OR51I2: variants seen among roughly 807,000 people sequenced by gnomAD.
OR51I2 encodes olfactory receptor family 51 subfamily I member 2.
In OR51I2, 6 loss-of-function variants were observed where a neutral mutation model predicts 9.3. The observed-to-expected ratio is 0.64, with a 90% CI of 0.35 to 1.27. The LOEUF (loss-of-function observed/expected upper bound fraction) is 1.27. Among genes scored for constraint, OR51I2 ranks in the 50% most tolerant of loss-of-function variants. The probability of loss-of-function intolerance (pLI) is 0.03; values close to 1 mark genes in which losing one functional copy is unlikely to be tolerated. For synonymous variants in OR51I2, 179 were observed against 143.1 expected (o/e 1.25, Z -1.79); for missense variants, 489 against 396.4 (o/e 1.23, Z -1.98).
chr11:5,452,370 G>T (rs940774322), intron 1 of OR51I2, among the ~76,000 whole-genome samples: 13 of 151,950 alleles, frequency 8.6e-5, no homozygotes, highest in Non-Finnish European at 1.6e-4. Flanking sequence ...GCCGGGCATG[G>T]TGGCGGGAGC....
intron 1 of OR51I2, among the ~76,000 whole-genome samples, chr11:5,450,262 G>A (rs1489056104): frequency 4.6e-5 from 7 of 151,996 alleles, no homozygotes; most frequent in African/African-American, 9.7e-5. Flanking sequence ...GGTGGCAGGC[G>A]CCTGTAATTC....
chr11:5,455,780 TA>T lies in OR51I2; in HGVS notation c.*1358del, dbSNP rs1255044341. 7 of 152,098 alleles carry T rather than the reference TA, an allele frequency of 4.6e-5. No individual in the cohort carries two copies. The highest frequency in any genetic ancestry group is 3.2e-3 in the Middle Eastern group (1 of 316). 9.4% of individuals were successfully genotyped at this position (152,098 alleles called of 1,614,324 possible). On this transcript the variant is annotated 3_prime_UTR_variant, in exon 2 of 2. Transcript: ENST00000641930. ...GAGAGTCAGAAAGAGGGAGCTATTT[TA>T]AAAATGAGATAATGTAAGTACTTGG...
At position 5,454,303 on chromosome 11, in the gene OR51I2, T is replaced by C. The variant is rs200377378; in HGVS notation, c.815T>C (p.Ile272Thr). 5.6e-6 allele frequency: 9 copies of C among 1,614,086 alleles called. No individual in the cohort carries two copies. Among genetic ancestry groups the C allele is most frequent in the African/African-American group, 2.7e-5 (2 of 74,932 alleles). Residue 272 changes from isoleucine (I) to threonine (T), a missense_variant, in exon 2 of 2, where the codon ATA (isoleucine) becomes ACA (threonine). Ile to Thr is a moderately conservative substitution (Grantham distance 89). Coordinates refer to ENST00000641930, the MANE Select transcript of OR51I2 (RefSeq NM_001004754.3). ...HRFGKHVPCY[I>T]HVLMSNVYLF... ...TTTGGGAAGCATGTCCCATGCTACA[T>C]ACATGTCCTCATGTCAAATGTGTAC...
rs202023944 is a variant in OR51I2 at position 5,454,386 on chromosome 11, C to T, written c.898C>T (p.Arg300Cys). The change falls in exon 2 of 2, where the codon CGC (arginine) becomes TGC (cysteine). Residue 300 changes from arginine to cysteine, a missense_variant. Transcript: ENST00000641930. ...LIYSAKTKEI[R>C]RAIFRMFHHI... ...TTATAGCGCCAAGACAAAGGAAATC[C>T]GCCGAGCCATTTTCCGCATGTTTCA... The T allele has an allele frequency of 2.1e-4, 339 of 1,611,080 alleles. 1 individual carries two copies. In the East Asian group the frequency reaches 5.3e-3, roughly 25 times the overall value.
chr11:5,449,760 A>G (rs4094102), intron 1 of OR51I2, among the ~76,000 whole-genome samples: 24,371 of 152,188 alleles, frequency 0.16, 2,506 homozygotes, highest in Non-Finnish European at 0.22. Context: ...ATCCCATGAC[A>G]AACAGCTGAA....
At position 5,453,692 on chromosome 11, in the gene OR51I2, C is replaced by T; in HGVS notation, c.204C>T (p.Phe68=). ...PMYYFLSMLS[F]SDVAISMATL... is the part of the protein sequence containing the mutation. The stretch of plus-strand genomic sequence containing the variant: ...ACTACTTCCTGTCCATGTTGTCCTT[C>T]AGTGATGTGGCCATATCCATGGCCA... The change falls in exon 2 of 2, where the codon TTC becomes TTT. Residue 68 remains phenylalanine (F), a synonymous_variant. Coordinates refer to ENST00000641930, the MANE Select transcript of OR51I2 (RefSeq NM_001004754.3). 6.2e-7 allele frequency: 1 copy of T among 1,613,720 alleles called. No individual in the cohort carries two copies. The highest frequency in any genetic ancestry group is 8.5e-7 in the Non-Finnish European group (1 of 1,179,772).
rs903982772 is a variant in OR51I2, at chr11:5,454,882, T to C, written c.*455T>C. ...AGATAATATGTGGTCCAGTTGACAT[T>C]CAACACTAATCTCTCTCTAGTGTCA... On this transcript the variant is annotated 3_prime_UTR_variant, in exon 2 of 2. Coordinates refer to ENST00000641930, the MANE Select transcript of OR51I2 (RefSeq NM_001004754.3). 6.5e-6 allele frequency: 1 copy of C among 154,282 alleles called. No individual in the cohort carries two copies. The highest frequency in any genetic ancestry group is 1.9e-4 in the East Asian group (1 of 5,220). 9.6% of individuals were successfully genotyped at this position (154,282 alleles called of 1,614,324 possible). A position where few individuals can be genotyped will look rare whatever the true frequency, so the allele number is the denominator to read the frequency against.
chr11:5,451,598 C>A (rs1396745556), intron 1 of OR51I2, among the ~76,000 whole-genome samples: 1 of 152,140 alleles, frequency 6.6e-6, no homozygotes, highest in Non-Finnish European at 1.5e-5. Context: ...TTATGTATTG[C>A]TGGGGATATT....
At position 5,454,311 on chromosome 11, in the gene OR51I2, C is replaced by T; in HGVS notation, c.823C>T (p.Leu275Phe). The change falls in exon 2 of 2, where the codon CTC becomes TTC. Residue 275 changes from leucine (L) to phenylalanine (F), a missense_variant. Coordinates refer to ENST00000641930, the MANE Select transcript of OR51I2 (RefSeq NM_001004754.3). ...GCATGTCCCATGCTACATACATGTC[C>T]TCATGTCAAATGTGTACCTATTTGT... Reference protein sequence around the residue: ...GKHVPCYIHVLMSNVYLFVPP... With the variant: ...GKHVPCYIHVFMSNVYLFVPP... The T allele has an allele frequency of 6.2e-7, 1 of 1,614,098 alleles. No homozygotes were observed. Among genetic ancestry groups the T allele is most frequent in the Non-Finnish European group, 8.5e-7 (1 of 1,179,962 alleles).
At chr11:5,451,722 A>G (rs1386492714) in intron 1 of OR51I2, among the ~76,000 whole-genome samples, 2 of 152,182 alleles carry the variant, frequency 1.3e-5, no homozygotes, top group African/African-American at 4.8e-5. Flanking sequence ...TCCCATCAGA[A>G]AGAACTCTGA....
chr11:5,453,972 C>T lies in OR51I2; in HGVS notation c.484C>T (p.Leu162Phe), dbSNP rs1441179782. 6.2e-7 allele frequency: 1 copy of T among 1,613,932 alleles called. No individual in the cohort carries two copies. Among genetic ancestry groups the T allele is most frequent in the African/African-American group, 1.3e-5 (1 of 74,900 alleles). The change falls in exon 2 of 2, where the codon CTT becomes TTT. Residue 162 changes from leucine (L) to phenylalanine (F), a missense_variant. Leu to Phe is a conservative substitution (Grantham distance 22, BLOSUM62 0). Coordinates refer to ENST00000641930, the MANE Select transcript of OR51I2 (RefSeq NM_001004754.3). ...CATCACCCTTTTCCCTCTTCCCTTTCTTATTAAGAGGCTGCCTATCTGCAG... is the reference window on the plus strand; with the variant it reads ...CATCACCCTTTTCCCTCTTCCCTTTTTTATTAAGAGGCTGCCTATCTGCAG... ...SFITLFPLPF[L>F]IKRLPICRSN...
rs1225644007 is a variant in OR51I2, at chr11:5,454,024, G to A, written c.536G>A (p.Cys179Tyr). ...TCCAATGTTCTTTCTCACTCCTACT[G>A]CCTGCACCCAGACATGATGAGGCTT... ...CRSNVLSHSY[C>Y]LHPDMMRLAC... Residue 179 changes from cysteine (C) to tyrosine (Y), a missense_variant, in exon 2 of 2, where the codon TGC (cysteine) becomes TAC (tyrosine). Coordinates refer to ENST00000641930, the MANE Select transcript of OR51I2 (RefSeq NM_001004754.3). 18 of 1,613,940 alleles carry A rather than the reference G, an allele frequency of 1.1e-5. No individual in the cohort carries two copies. Among genetic ancestry groups the A allele is most frequent in the Non-Finnish European group, 1.5e-5 (18 of 1,180,026 alleles).
chr11:5,454,426 G>T lies in OR51I2; in HGVS notation c.938G>T (p.Ter313LeuextTer18). The change falls in exon 2 of 2, where the codon TGA becomes TTA. Residue 313 changes from the stop codon to leucine (L), a stop_lost. Coordinates refer to ENST00000641930, the MANE Select transcript of OR51I2 (RefSeq NM_001004754.3). ...CGCATGTTTCACCACATCAAAATAT[G>T]ACTTTCACACTTGGCTTTAGAATCT... is the stretch of plus-strand genomic sequence containing the variant. ...IFRMFHHIKI* is the reference protein window; with the variant it reads ...IFRMFHHIKIL 1 of 1,601,096 alleles carries T rather than the reference G, an allele frequency of 6.2e-7. No homozygotes were observed. Among genetic ancestry groups the T allele is most frequent in the South Asian group, 1.1e-5 (1 of 90,324 alleles).
rs1850910627 is a variant in OR51I2, at chr11:5,454,122, T to C, written c.634T>C (p.Phe212Leu). The change falls in exon 2 of 2, where the codon TTT becomes CTT. Residue 212 changes from phenylalanine (F) to leucine (L), a missense_variant. Transcript: ENST00000641930. ...TGTATCCACCTTTGGCATGGACCTGTTTTTTATCTTCCTCTCCTATGTGCT... is the reference window on the plus strand; with the variant it reads ...TGTATCCACCTTTGGCATGGACCTGCTTTTTATCTTCCTCTCCTATGTGCT... Reference protein sequence around the residue: ...VLVSTFGMDLFFIFLSYVLIL... With the variant: ...VLVSTFGMDLLFIFLSYVLIL... The C allele has an allele frequency of 1.2e-6, 2 of 1,614,138 alleles. No homozygotes were observed. Among genetic ancestry groups the C allele is most frequent in the Non-Finnish European group, 1.7e-6 (2 of 1,180,028 alleles).
chr11:5,452,792 A>G (rs542725842), intron 1 of OR51I2, among the ~76,000 whole-genome samples: 1 of 152,360 alleles, frequency 6.6e-6, no homozygotes, highest in East Asian at 1.9e-4. Flanking sequence ...GTACCTATAG[A>G]ATATTTAGGG....
chr11:5,454,310 C>G lies in OR51I2; in HGVS notation c.822C>G (p.Val274=). ...AGCATGTCCCATGCTACATACATGTCCTCATGTCAAATGTGTACCTATTTG... is the reference window on the plus strand; with the variant it reads ...AGCATGTCCCATGCTACATACATGTGCTCATGTCAAATGTGTACCTATTTG... ...FGKHVPCYIH[V]LMSNVYLFVP... is the part of the protein sequence containing the mutation. The change falls in exon 2 of 2, where the codon GTC becomes GTG. Residue 274 remains valine, a synonymous_variant. Transcript: ENST00000641930. 1 of 1,614,070 alleles carries G rather than the reference C, an allele frequency of 6.2e-7. No individual in the cohort carries two copies. Among genetic ancestry groups the G allele is most frequent in the African/African-American group, 1.3e-5 (1 of 75,046 alleles).
rs538711760 is a variant in OR51I2 at position 5,454,759 on chromosome 11, C to T, written c.*332C>T. 142 of 175,764 alleles carry T rather than the reference C, an allele frequency of 8.1e-4. 3 individuals carry two copies. In the South Asian group the frequency reaches 0.02, roughly 24 times the overall value. 10.9% of individuals were successfully genotyped at this position (175,764 alleles called of 1,614,324 possible). A position where few individuals can be genotyped will look rare whatever the true frequency, so the allele number is the denominator to read the frequency against. ...TAACAAACTTAGTCCTAAAATGTATCAAGTACTATTATAAATTATTTGTGT... is the reference window on the plus strand; with the variant it reads ...TAACAAACTTAGTCCTAAAATGTATTAAGTACTATTATAAATTATTTGTGT... On this transcript the variant is annotated 3_prime_UTR_variant, in exon 2 of 2. Transcript: ENST00000641930.
In OR51I2 at chr11:5,455,858, A is replaced by G. The variant is rs1050455915; in HGVS notation, c.*1431A>G. On this transcript the variant is annotated 3_prime_UTR_variant, in exon 2 of 2. Coordinates refer to ENST00000641930, the MANE Select transcript of OR51I2 (RefSeq NM_001004754.3). ...ACAGGTACAATAAGACACCAATAAT[A>G]TATGTGTCCTGGCCCACTAAATAGA... 1 of 151,832 alleles carries G rather than the reference A, an allele frequency of 6.6e-6. No individual in the cohort carries two copies. The highest frequency in any genetic ancestry group is 1.5e-5 in the Non-Finnish European group (1 of 68,018). 9.4% of individuals were successfully genotyped at this position (151,832 alleles called of 1,614,324 possible).
At position 5,454,201 on chromosome 11, in the gene OR51I2, T is replaced by TAA; in HGVS notation, c.713_714insAA (p.Asn239ThrfsTer18). On this transcript the variant is annotated frameshift_variant, in exon 2 of 2. Coordinates refer to ENST00000641930, the MANE Select transcript of OR51I2 (RefSeq NM_001004754.3). LOFTEE classifies it high-confidence loss of function. ...TCCCGTGAGGAACGCCTCAAAGCTC[T>TAA]CAACACATGTGTGTCACATATCCTG... 9 of 1,613,956 alleles carry TAA rather than the reference T, an allele frequency of 5.6e-6. No homozygotes were observed. The highest frequency in any genetic ancestry group is 6.8e-6 in the Non-Finnish European group (8 of 1,179,930).
Sources: gnomAD v4.1 joint callset for allele counts (sites outside exome capture counted in the v4.1 genomes callset) on GRCh38, gnomAD v4.1.1 for gene constraint, MANE v1.5 for transcripts, NCBI Gene and HGNC (gene_info 2026-07-23, HGNC 2026-07-21) for gene names.